Variants in RPRD1A observed in about 807,000 individuals in gnomAD.
RPRD1A encodes regulation of nuclear pre-mRNA domain containing 1A, also known as regulation of nuclear pre-mRNA domain-containing protein 1A.
Under a neutral mutation model 37.8 loss-of-function variants are expected in RPRD1A, and 9 were observed. That is an observed-to-expected ratio of 0.24 (90% CI 0.14 to 0.42). The LOEUF is 0.42. RPRD1A is among the 10% of genes least tolerant of loss of function. The pLI, the probability that RPRD1A is intolerant of heterozygous loss-of-function variation, is 1.00. For missense variants in RPRD1A, 255 were observed against 371.0 expected (o/e 0.69, Z 2.57); for synonymous variants, 138 against 139.7 (o/e 0.99, Z 0.08).
At chr18:36,022,258 G>C (rs140468791) in intron 6 of RPRD1A, among the ~76,000 whole-genome samples, 2 of 152,216 alleles carry the variant, frequency 1.3e-5, no homozygotes, top group Admixed American at 6.5e-5. Context: ...CCGTAACTTC[G>C]AAGTGCAGAG....
At chr18:36,052,694 G>C (rs892188626) in intron 1 of RPRD1A, among the ~76,000 whole-genome samples, 2 of 152,136 alleles carry the variant, frequency 1.3e-5, no homozygotes, top group African/African-American at 2.4e-5. Context: ...CACCTCCCGA[G>C]CTCAAGCGAT....
intron 6 of RPRD1A, among the ~76,000 whole-genome samples, chr18:36,002,622 T>G (rs1476954245): frequency 6.6e-6 from 1 of 152,186 alleles, no homozygotes. Context: ...CATCTGTTCT[T>G]GCATTGTACC....
At chr18:36,008,371 A>G (rs539778925) in intron 6 of RPRD1A, among the ~76,000 whole-genome samples, 1 of 151,618 alleles carries the variant, frequency 6.6e-6, no homozygotes, top group African/African-American at 2.4e-5. Context: ...TGTGCCCAGG[A>G]GTCCAAGACC....
intron 6 of RPRD1A, among the ~76,000 whole-genome samples, chr18:36,006,190 G>A (rs1909738440): frequency 6.6e-6 from 1 of 152,082 alleles, no homozygotes; most frequent in African/African-American, 2.4e-5. Flanking sequence ...AAGTGCCATG[G>A]CAGGGTTTTA....
At chr18:36,052,639 C>A (rs1913481775) in intron 1 of RPRD1A, among the ~76,000 whole-genome samples, 1 of 152,148 alleles carries the variant, frequency 6.6e-6, no homozygotes, top group Admixed American at 6.5e-5. Context: ...TGCCCTGTCA[C>A]CCAGGGTGGA....
chr18:36,048,063 CTTTTTTTTTTT>C (rs1156933838), intron 1 of RPRD1A, among the ~76,000 whole-genome samples: 3 of 114,472 alleles, frequency 2.6e-5, no homozygotes, highest in South Asian at 5.4e-4. Flanking sequence ...GTACCCATTC[CTTTTTTTTTTT>C]TTTTTTTTTT....
chr18:36,019,409 T>C (rs1451730025), intron 6 of RPRD1A, among the ~76,000 whole-genome samples: 1 of 151,954 alleles, frequency 6.6e-6, no homozygotes, highest in South Asian at 2.1e-4. Flanking sequence ...GCCTGGCCCA[T>C]TGATGAGTTT....
chr18:36,014,744 A>G (rs1046460903), intron 6 of RPRD1A, among the ~76,000 whole-genome samples: 1 of 152,208 alleles, frequency 6.6e-6, no homozygotes, highest in Non-Finnish European at 1.5e-5. Flanking sequence ...CTCCGTCTCA[A>G]GAAAATAAAT....
chr18:36,017,901 T>C (rs1022172977), intron 6 of RPRD1A, among the ~76,000 whole-genome samples: 3 of 152,374 alleles, frequency 2.0e-5, no homozygotes, highest in Admixed American at 6.5e-5. Flanking sequence ...TCAGTACTTA[T>C]ACAATGCTAA....
intron 6 of RPRD1A, among the ~76,000 whole-genome samples, chr18:36,020,660 T>C (rs1356824560): frequency 6.6e-6 from 1 of 151,982 alleles, no homozygotes; most frequent in African/African-American, 2.4e-5. Context: ...CAAAACCTCA[T>C]CTCTGCAAAA....
intron 6 of RPRD1A, among the ~76,000 whole-genome samples, chr18:36,004,780 G>C (rs1166106618): frequency 2.6e-5 from 4 of 152,184 alleles, no homozygotes; most frequent in Admixed American, 6.5e-5. Flanking sequence ...GCACACACTT[G>C]TAATCCCAGC....
rs1908820180 is a variant in RPRD1A, at chr18:35,993,273, A to T, written c.817T>A (p.Ser273Thr). The change falls in exon 7 of 7, where the codon TCC becomes ACC. Residue 273 changes from serine (S) to threonine (T), a missense_variant. Physicochemically the swap from Ser to Thr is moderately conservative, Grantham distance 58. This residue lies in a region of RPRD1A where 211 missense variants were observed against 268.9 expected (regional missense o/e 0.78). Transcript: ENST00000399022. ...GACCTGAGTTCTTTGCGCACCAGGGAAACTCTGGCTAGCTTGCGCTTGTAC... is the reference window on the plus strand; with the variant it reads ...GACCTGAGTTCTTTGCGCACCAGGGTAACTCTGGCTAGCTTGCGCTTGTAC... ...EEYKRKLARV[S>T]LVRKELRSRI... 1.2e-6 allele frequency: 2 copies of T among 1,614,180 alleles called. No individual in the cohort carries two copies. Among genetic ancestry groups the T allele is most frequent in the Non-Finnish European group, 1.7e-6 (2 of 1,180,030 alleles).
At chr18:36,008,962 C>A (rs1909993109) in intron 6 of RPRD1A, among the ~76,000 whole-genome samples, 1 of 152,074 alleles carries the variant, frequency 6.6e-6, no homozygotes, top group Admixed American at 6.6e-5. Flanking sequence ...TGTAAGGACA[C>A]CCTGTTTTCT....
intron 6 of RPRD1A, among the ~76,000 whole-genome samples, chr18:36,001,656 A>C (rs767314080): frequency 8.5e-5 from 13 of 152,140 alleles, no homozygotes; most frequent in Admixed American, 8.5e-4. Context: ...CAGATCCTCC[A>C]TATCTGAGCA....
At chr18:36,011,804 T>G (rs936111398) in intron 6 of RPRD1A, among the ~76,000 whole-genome samples, 1 of 152,226 alleles carries the variant, frequency 6.6e-6, no homozygotes, top group Admixed American at 6.5e-5. Context: ...ATAAACTATT[T>G]ATGCCACAGT....
At chr18:36,019,641 G>A (rs1446876837) in intron 6 of RPRD1A, among the ~76,000 whole-genome samples, 2 of 152,176 alleles carry the variant, frequency 1.3e-5, no homozygotes, top group South Asian at 4.1e-4. Context: ...GCAAACTCAT[G>A]TTTATCTGCT....
intron 6 of RPRD1A, among the ~76,000 whole-genome samples, chr18:36,005,059 T>A (rs543213966): frequency 2.6e-5 from 4 of 152,246 alleles, no homozygotes; most frequent in Non-Finnish European, 5.9e-5. Flanking sequence ...CCCAGCGTTT[T>A]GGGAGGCCGA....
intron 1 of RPRD1A, among the ~76,000 whole-genome samples, chr18:36,066,299 A>G (rs1295062395): frequency 6.6e-6 from 1 of 152,244 alleles, no homozygotes; most frequent in Non-Finnish European, 1.5e-5. Context: ...TACATACATC[A>G]TATAGCTTTC....
chr18:36,065,454 GTTTT>G (rs887464484), intron 1 of RPRD1A, among the ~76,000 whole-genome samples: 3 of 152,208 alleles, frequency 2.0e-5, no homozygotes, highest in African/African-American at 4.8e-5. Flanking sequence ...TAATGGAATG[GTTTT>G]TTTGTTTTCT....
Sources: allele counts gnomAD v4.1 joint callset (sites outside exome capture counted in the v4.1 genomes callset), GRCh38; gene constraint gnomAD v4.1.1; regional missense constraint gnomAD v4.1.1; transcripts MANE v1.5; gene names NCBI Gene and HGNC (gene_info 2026-07-23, HGNC 2026-07-21).